The following PIP5K1B variants were observed in gnomAD, a reference collection of about 807,000 sequenced individuals.
PIP5K1B encodes phosphatidylinositol-4-phosphate 5-kinase type 1 beta.
PIP5K1B carries 42 observed loss-of-function variants against 67.0 expected under a neutral mutation model. The ratio of observed to expected loss-of-function variants is 0.63; its 90% CI spans 0.49 to 0.81. PIP5K1B has a LOEUF of 0.81. Ranked by LOEUF, PIP5K1B falls within the 30% of genes least tolerant of loss-of-function variation. PIP5K1B has a pLI of 0.00. For missense variants in PIP5K1B, 459 were observed against 646.3 expected (o/e 0.71, Z 3.14); for synonymous variants, 214 against 231.4 (o/e 0.92, Z 0.68).
At chr9:69,006,121 GCTCAGCCCCACAAAGT>G (rs1007843129) in intron 15 of PIP5K1B, among the ~76,000 whole-genome samples, 45 of 152,082 alleles carry the variant, frequency 3.0e-4, no homozygotes, top group Admixed American at 2.9e-3. Flanking sequence ...GAACTCCTGG[GCTCAGCCCCACAAAGT>G]GCTGGGATTA....
chr9:68,947,982 A>T (rs1235038939), intron 14 of PIP5K1B, among the ~76,000 whole-genome samples: 1 of 152,168 alleles, frequency 6.6e-6, no homozygotes, highest in Non-Finnish European at 1.5e-5. Context: ...GCCATCACCC[A>T]TGCCCTTACA....
chr9:68,915,615 C>A (rs754835080), intron 8 of PIP5K1B, among the ~76,000 whole-genome samples: 13 of 152,098 alleles, frequency 8.5e-5, no homozygotes, highest in Admixed American at 3.3e-4. Flanking sequence ...ATCACCCCTC[C>A]CTTCCTCCTC....
At chr9:68,987,421 G>C (rs1268265376) in intron 14 of PIP5K1B, among the ~76,000 whole-genome samples, 1 of 151,968 alleles carries the variant, frequency 6.6e-6, no homozygotes, top group African/African-American at 2.4e-5. Context: ...AATTAGCAGG[G>C]CGTGGTGGCA....
chr9:68,769,036 G>C (rs1830563169), intron 2 of PIP5K1B, among the ~76,000 whole-genome samples: 1 of 152,242 alleles, frequency 6.6e-6, no homozygotes, highest in East Asian at 1.9e-4. Flanking sequence ...AAATGATGAA[G>C]TGTTTGCCTC....
chr9:68,729,858 A>C (rs886378270), intron 1 of PIP5K1B, among the ~76,000 whole-genome samples: 2 of 152,178 alleles, frequency 1.3e-5, no homozygotes, highest in Admixed American at 6.5e-5. Context: ...AACAATATTT[A>C]ACAAAAGCCA....
At chr9:68,815,513 T>G (rs1216924744) in intron 2 of PIP5K1B, among the ~76,000 whole-genome samples, 1 of 151,904 alleles carries the variant, frequency 6.6e-6, no homozygotes, top group South Asian at 2.1e-4. Flanking sequence ...AATAAGTCAA[T>G]AAGACAATGT....
chr9:68,827,774 G>A (rs1435271876), intron 4 of PIP5K1B, among the ~76,000 whole-genome samples: 1 of 152,226 alleles, frequency 6.6e-6, no homozygotes, highest in Non-Finnish European at 1.5e-5. Flanking sequence ...GTTTGGGAAA[G>A]AGTATTGTGT....
intron 6 of PIP5K1B, among the ~76,000 whole-genome samples, chr9:68,883,695 T>A (rs1459744523): frequency 6.6e-6 from 1 of 152,166 alleles, no homozygotes; most frequent in Non-Finnish European, 1.5e-5. Flanking sequence ...ATTTTTAGCC[T>A]TGATGTTTTT....
intron 14 of PIP5K1B, among the ~76,000 whole-genome samples, chr9:68,950,457 G>A (rs995282767): frequency 6.6e-6 from 1 of 152,188 alleles, no homozygotes; most frequent in Non-Finnish European, 1.5e-5. Context: ...CTTCCCAGGA[G>A]CTTGTCCATA....
At chr9:68,994,444 T>C (rs1277656222) in intron 15 of PIP5K1B, among the ~76,000 whole-genome samples, 1 of 152,230 alleles carries the variant, frequency 6.6e-6, no homozygotes, top group Non-Finnish European at 1.5e-5. Context: ...ATAAATTTTG[T>C]GAGAAAGGTG....
At chr9:68,814,278 T>C (rs184616706) in intron 2 of PIP5K1B, among the ~76,000 whole-genome samples, 6 of 152,248 alleles carry the variant, frequency 3.9e-5, no homozygotes, top group Admixed American at 2.0e-4. Context: ...GCTTTCTTAA[T>C]TGAAAAACAG....
intron 2 of PIP5K1B, among the ~76,000 whole-genome samples, chr9:68,794,784 A>G (rs547243619): frequency 6.6e-6 from 1 of 152,274 alleles, no homozygotes; most frequent in South Asian, 2.1e-4. Flanking sequence ...TTGTTGCTGA[A>G]TAGTGGGAGA....
At chr9:68,889,797 G>A (rs1824684598) in intron 7 of PIP5K1B, among the ~76,000 whole-genome samples, 2 of 151,088 alleles carry the variant, frequency 1.3e-5, no homozygotes, top group Non-Finnish European at 1.5e-5. Flanking sequence ...GATAAAGTAA[G>A]GATACAGGAT....
chr9:68,779,608 C>CGA (rs1831109420), intron 2 of PIP5K1B, among the ~76,000 whole-genome samples: 4 of 152,210 alleles, frequency 2.6e-5, no homozygotes, highest in African/African-American at 9.7e-5. Context: ...CCCTCACTCT[C>CGA]CACTCCAGGC....
At chr9:68,736,716 A>T (rs1168699780) in intron 1 of PIP5K1B, among the ~76,000 whole-genome samples, 1 of 152,014 alleles carries the variant, frequency 6.6e-6, no homozygotes. Context: ...TTCAGTCACC[A>T]CTTCTCCTAT....
rs1379696470 is a variant in PIP5K1B, at chr9:68,781,176, G to C, written c.-85-37285G>C. ...TTCCCTGAAATGATGTTATTCTAGA[G>C]AACTTCTATGTCAGGTTCCTTTGGA... is the stretch of plus-strand genomic sequence containing the variant. On this transcript the variant is annotated intron_variant, in intron 2 of 15. Coordinates refer to ENST00000265382, the MANE Select transcript of PIP5K1B (RefSeq NM_003558.4). The C allele has an allele frequency of 1.3e-5, 14 of 1,063,530 alleles. No homozygotes were observed. In the East Asian group the frequency reaches 2.9e-4, roughly 22 times the overall value. The allele number at this position is 1,063,530 out of a possible 1,614,324, so 65.9% of individuals were successfully genotyped here.
chr9:68,904,746 T>G (rs1195570798), intron 8 of PIP5K1B, among the ~76,000 whole-genome samples: 1 of 123,018 alleles, frequency 8.1e-6, no homozygotes, highest in African/African-American at 2.9e-5. Context: ...GATTATCAAG[T>G]CAGTAGTTTG....
At chr9:68,926,728 C>T (rs1016414291) in intron 12 of PIP5K1B, among the ~76,000 whole-genome samples, 1 of 151,998 alleles carries the variant, frequency 6.6e-6, no homozygotes. Context: ...TGAGCCACCA[C>T]ACCCAGCTAA....
At chr9:68,758,115 C>G (rs1047148511) in intron 2 of PIP5K1B, among the ~76,000 whole-genome samples, 1 of 152,152 alleles carries the variant, frequency 6.6e-6, no homozygotes, top group African/African-American at 2.4e-5. Flanking sequence ...AAGCTATTCA[C>G]GACAATTGCC....
Sources: allele counts gnomAD v4.1 joint callset (sites outside exome capture counted in the v4.1 genomes callset), GRCh38; gene constraint gnomAD v4.1.1; transcripts MANE v1.5; gene names NCBI Gene and HGNC (gene_info 2026-07-23, HGNC 2026-07-21).